The following CEP350 variants were observed in gnomAD, a reference collection of about 807,000 sequenced individuals.
CEP350 encodes centrosome-associated protein 350.
A neutral mutation model predicts 331.8 loss-of-function variants in CEP350; 126 were observed. The observed-to-expected ratio is 0.38, with a 90% CI of 0.33 to 0.44. The LOEUF (loss-of-function observed/expected upper bound fraction) is 0.44. Among genes scored for constraint, CEP350 ranks in the 20% least tolerant of loss-of-function variants. CEP350 has a pLI of 1.00. For synonymous variants in CEP350, 1,200 were observed against 1,259.5 expected (o/e 0.95, Z 1.00); for missense variants, 3,406 against 3,634.6 (o/e 0.94, Z 1.62).
At chr1:180,058,056 A>G (rs1657967527) in intron 25 of CEP350, among the ~76,000 whole-genome samples, 1 of 152,184 alleles carries the variant, frequency 6.6e-6, no homozygotes, top group African/African-American at 2.4e-5. Context: ...GTTGAGAGCA[A>G]TTGCCACTAC....
At chr1:180,087,463 T>G (rs974261850) in intron 31 of CEP350, 115 bp from the exon 32 acceptor site, 14 of 983,288 alleles carry the variant, frequency 1.4e-5, no homozygotes, top group Admixed American at 3.3e-5. Flanking sequence ...AGGGAGATTT[T>G]TATATTACAT....
intron 37 of CEP350, among the ~76,000 whole-genome samples, chr1:180,109,231 G>T (rs1259957891): frequency 2.7e-5 from 4 of 150,640 alleles, no homozygotes; most frequent in Admixed American, 6.6e-5. Context: ...CGATTCTCCT[G>T]CCTCAGCCTC....
intron 31 of CEP350, among the ~76,000 whole-genome samples, chr1:180,086,694 A>G (rs1201858624): frequency 6.6e-6 from 1 of 152,162 alleles, no homozygotes; most frequent in Non-Finnish European, 1.5e-5. Flanking sequence ...ATTGAGCTAG[A>G]ACACCTAGCT....
chr1:180,004,925 TTC>T (rs71835803), intron 7 of CEP350, among the ~76,000 whole-genome samples: 51,765 of 123,688 alleles, frequency 0.42, 10,786 homozygotes, highest in East Asian at 0.67. Flanking sequence ...CTTTCTTTCT[TTC>T]TTTCTTTCTT....
intron 9 of CEP350, among the ~76,000 whole-genome samples, chr1:180,013,503 GGA>G (rs1456367583): frequency 6.6e-6 from 1 of 152,084 alleles, no homozygotes; most frequent in South Asian, 2.1e-4. Context: ...GAGGGGTTGT[GGA>G]GAGAGAGAAA....
chr1:180,106,131 T>A (rs902596789), intron 37 of CEP350, among the ~76,000 whole-genome samples: 1 of 152,234 alleles, frequency 6.6e-6, no homozygotes, highest in Non-Finnish European at 1.5e-5. Flanking sequence ...GCACCGTTTG[T>A]ATAACCTTTA....
intron 24 of CEP350, 136 bp from the exon 25 acceptor site, chr1:180,054,279 A>C: frequency 1.4e-6 from 1 of 728,898 alleles, no homozygotes; most frequent in Non-Finnish European, 2.3e-6. Context: ...GGTTACGGCT[A>C]CATGTAGCAA....
intron 27 of CEP350, among the ~76,000 whole-genome samples, chr1:180,065,616 TA>T (rs975309422): frequency 4.6e-4 from 67 of 145,430 alleles, no homozygotes; most frequent in South Asian, 4.3e-4. Context: ...ACCCCGTCTT[TA>T]AAAAAAAAAA....
At position 180,109,827 on chromosome 1, in the gene CEP350, G is replaced by T. The variant is rs571005311; in HGVS notation, c.9190-1170G>T. On this transcript the variant is annotated intron_variant, in intron 37 of 37. Coordinates refer to ENST00000367607, the MANE Select transcript of CEP350 (RefSeq NM_014810.5). ...ATTTTGTATTTTTAGTAGAGATGGG[G>T]TTTCGCCATGTTGGCCAGGCTGATC... Among the ~76,000 whole-genome samples the T allele has an allele frequency of 1.5e-3, 229 of 152,130 alleles. 1 individual carries two copies. Among genetic ancestry groups the T allele is most frequent in the African/African-American group, 4.9e-3 (203 of 41,506 alleles).
intron 17 of CEP350, among the ~76,000 whole-genome samples, chr1:180,038,494 A>G (rs1656523255): frequency 6.6e-6 from 1 of 152,142 alleles, no homozygotes; most frequent in African/African-American, 2.4e-5. Flanking sequence ...AACATTTTAC[A>G]CTCTTGTAAT....
chr1:180,068,213 T>C (rs1402708446), intron 27 of CEP350, among the ~76,000 whole-genome samples: 1 of 152,200 alleles, frequency 6.6e-6, no homozygotes, highest in Non-Finnish European at 1.5e-5. Context: ...ATTTCCTTTT[T>C]TAATATTTTA....
chr1:180,088,363 C>T (rs1659983208), intron 32 of CEP350, among the ~76,000 whole-genome samples: 1 of 149,356 alleles, frequency 6.7e-6, no homozygotes, highest in Non-Finnish European at 1.5e-5. Context: ...AAGGTTAGAT[C>T]AGTTCAATTG....
chr1:180,005,858 A>C (rs1654223383), intron 7 of CEP350, among the ~76,000 whole-genome samples: 1 of 152,196 alleles, frequency 6.6e-6, no homozygotes, highest in African/African-American at 2.4e-5. Context: ...CACTCTACCC[A>C]GAATGCAGAA....
At chr1:179,956,271 G>C (rs1200031432) in intron 1 of CEP350, among the ~76,000 whole-genome samples, 1 of 152,122 alleles carries the variant, frequency 6.6e-6, no homozygotes, top group East Asian at 1.9e-4. Context: ...AACTGTCAGT[G>C]CATTAAATTT....
intron 1 of CEP350, among the ~76,000 whole-genome samples, chr1:179,985,422 C>G (rs1652579468): frequency 6.6e-6 from 1 of 152,150 alleles, no homozygotes; most frequent in African/African-American, 2.4e-5. Context: ...TGGGCTACTT[C>G]CACGTTAGCT....
At chr1:180,052,209 CT>C (rs141932451) in intron 22 of CEP350, 5,382 of 454,108 alleles carry the variant, frequency 0.012, 251 homozygotes, top group African/African-American at 0.098. Context: ...TTCTTTCTTT[CT>C]TTCTTTTTTT....
At chr1:180,034,189 A>C (rs886497071) in intron 16 of CEP350, 107 bp downstream of exon 16, 8 of 1,278,450 alleles carry the variant, frequency 6.3e-6, no homozygotes, top group Non-Finnish European at 8.5e-6. Context: ...TATTATTTCA[A>C]GTGAATATGA....
intron 3 of CEP350, among the ~76,000 whole-genome samples, chr1:179,990,046 C>T (rs953716948): frequency 4.6e-5 from 7 of 151,158 alleles, no homozygotes; most frequent in African/African-American, 9.7e-5. Context: ...AAAATTAGCC[C>T]GGCGTGGTGG....
In CEP350 at chr1:180,042,167, C is replaced by CACACAT. The variant is rs3223192; in HGVS notation, c.4362+366_4362+367insCACATA. ...ACACACACACACACACACACACACA[C>CACACAT]ATCTCCCTATAACCATCACCACAAT... On this transcript the variant is annotated intron_variant, in intron 19 of 37. Transcript: ENST00000367607. Among the ~76,000 whole-genome samples, 8 of 150,310 alleles carry CACACAT rather than the reference C, an allele frequency of 5.3e-5. No homozygotes were observed. The South Asian group carries it at 1.7e-3, about 32-fold the overall frequency.
Sources: allele counts gnomAD v4.1 joint callset (sites outside exome capture counted in the v4.1 genomes callset), GRCh38; gene constraint gnomAD v4.1.1; transcripts MANE v1.5; gene names NCBI Gene and HGNC (gene_info 2026-07-23, HGNC 2026-07-21).